Variants in RPIA observed in about 807,000 individuals in gnomAD.
The protein encoded by RPIA is ribose-5-phosphate isomerase.
A neutral mutation model predicts 37.8 loss-of-function variants in RPIA; 29 were observed. That is an observed-to-expected ratio of 0.77 (90% CI 0.57 to 1.05). RPIA has a LOEUF of 1.05. RPIA is among the 50% of genes least tolerant of loss of function. The probability of loss-of-function intolerance (pLI) is 0.00; values close to 1 mark genes in which losing one functional copy is unlikely to be tolerated. For missense variants in RPIA, 385 were observed against 413.6 expected (o/e 0.93, Z 0.60); for synonymous variants, 167 against 157.0 (o/e 1.06, Z -0.48).
intron 6 of RPIA, among the ~76,000 whole-genome samples, chr2:88,736,013 G>A (rs1673310732): frequency 6.6e-6 from 1 of 152,164 alleles, no homozygotes; most frequent in Non-Finnish European, 1.5e-5. Flanking sequence ...CACCCTGTTA[G>A]CAGAGCATGC....
chr2:88,722,111 G>C lies in RPIA; in HGVS notation c.403-7167G>C, dbSNP rs1479990004. On this transcript the variant is annotated intron_variant, in intron 3 of 8. Transcript: ENST00000283646. ...TTCTAGGCCCAAATTAACCATACAA[G>C]ATTTTTTCTCATACAAAATTATTTC... Among the ~76,000 whole-genome samples the C allele has an allele frequency of 1.3e-5, 2 of 150,614 alleles. 1 individual carries two copies. Among genetic ancestry groups the C allele is most frequent in the African/African-American group, 4.9e-5 (2 of 40,962 alleles).
intron 3 of RPIA, among the ~76,000 whole-genome samples, chr2:88,711,930 A>C (rs933881156): frequency 1.3e-5 from 2 of 152,208 alleles, no homozygotes; most frequent in African/African-American, 4.8e-5. Context: ...GCTTGAGCTC[A>C]GTTCGAGACC....
chr2:88,699,594 T>C (rs1219073343), intron 2 of RPIA, among the ~76,000 whole-genome samples: 2 of 152,178 alleles, frequency 1.3e-5, no homozygotes, highest in Admixed American at 1.3e-4. Flanking sequence ...CCTGGGATCA[T>C]GTCCCAGCTG....
At chr2:88,699,957 AGAAT>A (rs1672808258) in intron 2 of RPIA, 48 bp from the exon 3 acceptor site, 4 of 1,586,606 alleles carry the variant, frequency 2.5e-6, no homozygotes, top group African/African-American at 1.3e-5. Context: ...TATGACAAGA[AGAAT>A]AAAGTAAGGA....
At chr2:88,714,101 A>G (rs1403299369) in intron 3 of RPIA, among the ~76,000 whole-genome samples, 2 of 151,768 alleles carry the variant, frequency 1.3e-5, no homozygotes, top group African/African-American at 4.8e-5. Context: ...CACAATGAAA[A>G]TATTGTTGGA....
intron 1 of RPIA, among the ~76,000 whole-genome samples, chr2:88,693,979 G>T: frequency 6.6e-6 from 1 of 152,210 alleles, no homozygotes. Flanking sequence ...CCTGGGCTTT[G>T]TTTTTTTACT....
chr2:88,710,752 A>G (rs965093184), intron 3 of RPIA, among the ~76,000 whole-genome samples: 2 of 152,192 alleles, frequency 1.3e-5, no homozygotes, highest in Non-Finnish European at 2.9e-5. Context: ...CTCTCCTTCA[A>G]TAGCTTCAAC....
chr2:88,724,914 AC>A (rs1673177790), intron 3 of RPIA, among the ~76,000 whole-genome samples: 1 of 152,166 alleles, frequency 6.6e-6, no homozygotes, highest in African/African-American at 2.4e-5. Context: ...AAACCTGAAA[AC>A]CACATTTTGT....
At chr2:88,723,774 CAT>C (rs1673162747) in intron 3 of RPIA, among the ~76,000 whole-genome samples, 1 of 152,066 alleles carries the variant, frequency 6.6e-6, no homozygotes, top group African/African-American at 2.4e-5. Flanking sequence ...GTCCTGACGA[CAT>C]GTGCCCAAGG....
chr2:88,729,177 GC>G, intron 3 of RPIA, 100 bp from the exon 4 acceptor site: 1 of 1,260,358 alleles, frequency 7.9e-7, no homozygotes, highest in East Asian at 2.4e-5. Context: ...TTGGGAGAGA[GC>G]CTGGGTAGGA....
intron 8 of RPIA, among the ~76,000 whole-genome samples, chr2:88,743,777 C>G (rs1573480021): frequency 6.6e-6 from 1 of 151,972 alleles, no homozygotes; most frequent in Non-Finnish European, 1.5e-5. Flanking sequence ...TTGTATATTT[C>G]CAGATTTTCT....
At chr2:88,704,959 CTCAT>C (rs1672880541) in intron 3 of RPIA, among the ~76,000 whole-genome samples, 1 of 152,148 alleles carries the variant, frequency 6.6e-6, no homozygotes, top group Non-Finnish European at 1.5e-5. Flanking sequence ...TGAATGAACT[CTCAT>C]TCACAATTGC....
intron 3 of RPIA, among the ~76,000 whole-genome samples, chr2:88,708,906 G>A (rs1268073361): frequency 1.3e-5 from 2 of 152,068 alleles, no homozygotes; most frequent in African/African-American, 2.4e-5. Context: ...CCAGGTACCC[G>A]CCACCATGCC....
intron 3 of RPIA, among the ~76,000 whole-genome samples, chr2:88,720,531 A>G (rs1249732497): frequency 6.6e-6 from 1 of 151,758 alleles, no homozygotes; most frequent in Non-Finnish European, 1.5e-5. Flanking sequence ...AAAACTGAAA[A>G]TGGTGAGATG....
intron 1 of RPIA, among the ~76,000 whole-genome samples, chr2:88,694,336 G>A (rs1286060426): frequency 1.3e-5 from 2 of 152,220 alleles, no homozygotes; most frequent in Non-Finnish European, 2.9e-5. Context: ...GGCAAAGAAC[G>A]AGCCTTATAC....
At chr2:88,744,843 G>C (rs1673422712) in intron 8 of RPIA, among the ~76,000 whole-genome samples, 1 of 152,146 alleles carries the variant, frequency 6.6e-6, no homozygotes. Context: ...TGTTTGTGTG[G>C]AGTATCTTTT....
chr2:88,749,406 T>G (rs1673475210), intron 8 of RPIA, among the ~76,000 whole-genome samples: 1 of 152,238 alleles, frequency 6.6e-6, no homozygotes, highest in African/African-American at 2.4e-5. Flanking sequence ...GCTTCTTTTG[T>G]GAGGTACTTC....
intron 3 of RPIA, among the ~76,000 whole-genome samples, chr2:88,721,799 T>C (rs1404638735): frequency 8.6e-5 from 13 of 150,664 alleles, no homozygotes; most frequent in Admixed American, 8.6e-4. Context: ...ATATATTTAT[T>C]TAAAAACATA....
intron 4 of RPIA, among the ~76,000 whole-genome samples, chr2:88,729,549 G>A (rs1054455133): frequency 6.6e-6 from 1 of 152,142 alleles, no homozygotes; most frequent in Non-Finnish European, 1.5e-5. Context: ...TGGTTTAACC[G>A]CAAGGGCTCA....
Sources: allele counts gnomAD v4.1 joint callset (sites outside exome capture counted in the v4.1 genomes callset), GRCh38; gene constraint gnomAD v4.1.1; transcripts MANE v1.5; gene names NCBI Gene and HGNC (gene_info 2026-07-23, HGNC 2026-07-21).